CALD1: variants seen among roughly 807,000 people sequenced by gnomAD.
The protein encoded by CALD1 is caldesmon.
A neutral mutation model predicts 99.9 loss-of-function variants in CALD1; 33 were observed. The ratio of observed to expected loss-of-function variants is 0.33; its 90% CI spans 0.25 to 0.44. The LOEUF is 0.44. CALD1 is among the 20% of genes least tolerant of loss of function. The pLI is 1.00. For missense variants in CALD1, 861 were observed against 962.1 expected, an observed-to-expected ratio of 0.89 and a Z score of 1.39; for synonymous variants, 310 against 325.0, an observed-to-expected ratio of 0.95 and a Z score of 0.50.
chr7:134,859,329 T>G (rs901227657), intron 2 of CALD1, among the ~76,000 whole-genome samples: 2 of 152,272 alleles, frequency 1.3e-5, no homozygotes, highest in African/African-American at 4.8e-5. Flanking sequence ...TTTTCTCACA[T>G]GGACACAAGG....
At chr7:134,945,478 T>A (rs541899398) in intron 7 of CALD1, among the ~76,000 whole-genome samples, 1 of 152,350 alleles carries the variant, frequency 6.6e-6, no homozygotes, top group African/African-American at 2.4e-5. Flanking sequence ...AACTAATAGA[T>A]AAGCATTAGA....
chr7:134,925,368 G>A (rs1388268855), intron 3 of CALD1, among the ~76,000 whole-genome samples: 2 of 152,252 alleles, frequency 1.3e-5, no homozygotes, highest in Admixed American at 6.5e-5. Flanking sequence ...GAAAATAGTG[G>A]GAAATTAAGG....
chr7:134,859,947 C>G (rs1409081493), intron 2 of CALD1, among the ~76,000 whole-genome samples: 1 of 152,092 alleles, frequency 6.6e-6, no homozygotes, highest in Non-Finnish European at 1.5e-5. Flanking sequence ...TCTGCCAGGT[C>G]TTCTGTTTGC....
chr7:134,947,418 G>T, intron 7 of CALD1, 90 bp from the exon 8 acceptor site: 1 of 1,325,858 alleles, frequency 7.5e-7, no homozygotes, highest in Non-Finnish European at 1.0e-6. Flanking sequence ...TTTAGTCGGG[G>T]ATGCAGAAGC....
intron 3 of CALD1, among the ~76,000 whole-genome samples, chr7:134,905,328 C>A (rs1803290407): frequency 6.6e-6 from 1 of 152,024 alleles, no homozygotes; most frequent in Admixed American, 6.6e-5. Context: ...TACCGTGCAA[C>A]TATTAGTTCA....
intron 1 of CALD1, among the ~76,000 whole-genome samples, chr7:134,799,344 G>A (rs1406309415): frequency 5.3e-5 from 8 of 152,192 alleles, no homozygotes; most frequent in African/African-American, 1.9e-4. Flanking sequence ...GTTGGGAAGA[G>A]ACACCTTTCA....
chr7:134,808,997 A>G (rs2131904640), intron 1 of CALD1, among the ~76,000 whole-genome samples: 1 of 152,356 alleles, frequency 6.6e-6, no homozygotes, highest in Middle Eastern at 3.4e-3. Flanking sequence ...ATGAAAATAA[A>G]CTAATGTTAA....
intron 3 of CALD1, among the ~76,000 whole-genome samples, chr7:134,913,002 C>A (rs1168632721): frequency 1.3e-5 from 2 of 152,138 alleles, no homozygotes; most frequent in African/African-American, 2.4e-5. Flanking sequence ...TGGTGGCTCA[C>A]ATCTGTAATC....
At chr7:134,858,372 T>C (rs1322753444) in intron 2 of CALD1, among the ~76,000 whole-genome samples, 1 of 151,978 alleles carries the variant, frequency 6.6e-6, no homozygotes, top group East Asian at 1.9e-4. Flanking sequence ...CATAGGAAAA[T>C]GGAGAGAGTA....
At chr7:134,866,210 TCAGATAATTA>T (rs1404936952) in intron 2 of CALD1, among the ~76,000 whole-genome samples, 1 of 152,118 alleles carries the variant, frequency 6.6e-6, no homozygotes, top group Admixed American at 6.5e-5. Flanking sequence ...CTTTTTCCAT[TCAGATAATTA>T]CAGACTAGAT....
rs554328359 is a variant in CALD1 at position 134,802,192 on chromosome 7, C to CAT, written c.-130+22453_-130+22454dup. 2.5e-4 allele frequency among the ~76,000 whole-genome samples: 38 copies of CAT among 151,410 alleles called. No homozygotes were observed. In the East Asian group the frequency reaches 6.4e-3, roughly 26 times the overall value. ...AACATATATGTGTGTGTGTGTATGT[C>CAT]ATATATATATACATCTGTCTATATA... On this transcript the variant is annotated intron_variant, in intron 1 of 14. Transcript: ENST00000361675.
intron 1 of CALD1, chr7:134,821,970 T>G (rs918792361): frequency 1.3e-5 from 2 of 152,198 alleles, no homozygotes; most frequent in Admixed American, 1.3e-4. Flanking sequence ...TATGATTTCC[T>G]TTTTTCTTTC....
chr7:134,726,196 A>T, the CALD1 span, among the ~76,000 whole-genome samples: 29 of 151,720 alleles, frequency 1.9e-4, 1 homozygote, highest in Non-Finnish European at 4.4e-5. Context: ...ATGCAAAAAA[A>T]GCTGAGAAAT....
At chr7:134,794,079 G>C (rs1432761569) in intron 1 of CALD1, among the ~76,000 whole-genome samples, 1 of 152,124 alleles carries the variant, frequency 6.6e-6, no homozygotes, top group African/African-American at 2.4e-5. Context: ...CTGCATTTCT[G>C]AAACAAATCA....
At chr7:134,788,688 A>G (rs186791733) in intron 1 of CALD1, among the ~76,000 whole-genome samples, 1 of 152,308 alleles carries the variant, frequency 6.6e-6, no homozygotes, top group Non-Finnish European at 1.5e-5. Context: ...TGTCCTGCAC[A>G]TAGTATTAAT....
intron 7 of CALD1, among the ~76,000 whole-genome samples, chr7:134,941,541 T>C (rs1806439311): frequency 6.6e-6 from 1 of 152,208 alleles, no homozygotes; most frequent in Admixed American, 6.5e-5. Context: ...GATTAGTGTA[T>C]TAGAAAACAT....
the CALD1 span, among the ~76,000 whole-genome samples, chr7:134,729,205 T>C: frequency 1.5e-3 from 230 of 152,316 alleles, no homozygotes; most frequent in Admixed American, 3.4e-3. Flanking sequence ...TAATAACTAC[T>C]ACTTACTGGC....
the CALD1 span, among the ~76,000 whole-genome samples, chr7:134,722,711 T>C: frequency 6.6e-6 from 1 of 152,176 alleles, no homozygotes; most frequent in Non-Finnish European, 1.5e-5. Flanking sequence ...TGAACCACCG[T>C]GCCTGGCCTC....
intron 3 of CALD1, among the ~76,000 whole-genome samples, chr7:134,906,961 G>C (rs374134379): frequency 6.6e-6 from 1 of 152,230 alleles, no homozygotes; most frequent in Non-Finnish European, 1.5e-5. Flanking sequence ...GTGGTGTCCC[G>C]GTTCTGAATA....
Sources: gnomAD v4.1 joint callset for allele counts (sites outside exome capture counted in the v4.1 genomes callset) on GRCh38, gnomAD v4.1.1 for gene constraint, MANE v1.5 for transcripts, NCBI Gene and HGNC (gene_info 2026-07-23, HGNC 2026-07-21) for gene names.